SPRTN: variants seen among roughly 807,000 people sequenced by gnomAD.
SPRTN encodes the protein DNA-dependent metalloprotease SPRTN.
A neutral mutation model predicts 31.9 loss-of-function variants in SPRTN; 11 were observed. The observed-to-expected ratio is 0.34, with a 90% CI of 0.22 to 0.57. The LOEUF (loss-of-function observed/expected upper bound fraction) is 0.57, where lower values mean the gene tolerates loss of function less well. SPRTN is among the 20% of genes least tolerant of loss of function. The probability of loss-of-function intolerance (pLI) is 0.86; values close to 1 mark genes in which losing one functional copy is unlikely to be tolerated. For synonymous variants in SPRTN, 185 were observed against 212.1 expected (o/e 0.87, Z 1.11); for missense variants, 482 against 590.1 (o/e 0.82, Z 1.90).
chr1:231,338,783 C>T (rs1263062964), intron 1 of SPRTN, among the ~76,000 whole-genome samples, 179 bp downstream of exon 1: 2 of 152,198 alleles, frequency 1.3e-5, no homozygotes, highest in Admixed American at 1.3e-4. Context: ...TACCTTTTCT[C>T]CCACTCGAAC....
chr1:231,347,632 G>A (rs1473487832), intron 2 of SPRTN, 165 bp from the exon 3 acceptor site: 3 of 769,702 alleles, frequency 3.9e-6, no homozygotes, highest in Non-Finnish European at 5.7e-6. Flanking sequence ...CCAAAGTGTT[G>A]GGATTACAGG....
chr1:231,346,326 C>T (rs1461182587), intron 2 of SPRTN, among the ~76,000 whole-genome samples: 2 of 149,972 alleles, frequency 1.3e-5, no homozygotes, highest in Admixed American at 6.7e-5. Flanking sequence ...GTATACTGCT[C>T]GGACTACAGG....
In SPRTN at chr1:231,354,670, A is replaced by AT. The variant is rs1462136116; in HGVS notation, c.*1311dup. The AT allele has an allele frequency of 2.0e-5, 3 of 152,438 alleles. No homozygotes were observed. Among genetic ancestry groups the AT allele is most frequent in the African/African-American group, 7.2e-5 (3 of 41,438 alleles). The allele number at this position is 152,438 out of a possible 1,614,324, so 9.4% of individuals were successfully genotyped here. A position where few individuals can be genotyped will look rare whatever the true frequency, so the allele number is the denominator to read the frequency against. ...CTATGTATAGCAGGAGTTCATTTTCATTGCTCTTGCATTTGTATGAATATA... is the reference window on the plus strand; with the variant it reads ...CTATGTATAGCAGGAGTTCATTTTCATTTGCTCTTGCATTTGTATGAATATA... On this transcript the variant is annotated 3_prime_UTR_variant, in exon 5 of 5. Coordinates refer to ENST00000295050, the MANE Select transcript of SPRTN (RefSeq NM_032018.7).
intron 2 of SPRTN, among the ~76,000 whole-genome samples, chr1:231,340,917 A>T (rs1341535669): frequency 3.3e-5 from 5 of 152,206 alleles, no homozygotes; most frequent in Non-Finnish European, 5.9e-5. Context: ...AGGATAATAA[A>T]AGGCAATGGA....
chr1:231,347,718 A>G, intron 2 of SPRTN, 79 bp from the exon 3 acceptor site: 1 of 1,488,668 alleles, frequency 6.7e-7, no homozygotes, highest in Non-Finnish European at 9.0e-7. Context: ...AAGGTTAGAC[A>G]CCAGATAGAA....
In SPRTN at chr1:231,354,926, T is replaced by C; in HGVS notation, c.*1565T>C. The C allele has an allele frequency of 5.8e-6, 5 of 863,750 alleles. No individual in the cohort carries two copies. The highest frequency in any genetic ancestry group is 7.0e-6 in the Non-Finnish European group (5 of 719,162). The allele number at this position is 863,750 out of a possible 1,614,324, so 53.5% of individuals were successfully genotyped here. On this transcript the variant is annotated 3_prime_UTR_variant, in exon 5 of 5. Transcript: ENST00000295050. ...TTTAGTTGTTCACCATTCATAACAC[T>C]GTTAGCAGCCCTTTTCGTTTTAGAC... is the stretch of plus-strand genomic sequence containing the variant.
At chr1:231,338,756 C>T in intron 1 of SPRTN, 152 bp downstream of exon 1, 1 of 821,400 alleles carries the variant, frequency 1.2e-6, no homozygotes, top group South Asian at 1.7e-5. Flanking sequence ...CCTGCCTCGG[C>T]GTGTTTCTGT....
chr1:231,343,867 C>T (rs1686974478), intron 2 of SPRTN, among the ~76,000 whole-genome samples: 1 of 151,878 alleles, frequency 6.6e-6, no homozygotes, highest in African/African-American at 2.4e-5. Context: ...CTACTCTTGG[C>T]AGAAAGCATG....
rs1230751071 is a variant in SPRTN, at chr1:231,351,793, A to G, written c.718+222A>G. On this transcript the variant is annotated intron_variant, in intron 4 of 4. Coordinates refer to ENST00000295050, the MANE Select transcript of SPRTN (RefSeq NM_032018.7). ...GTAAGTAAAAGTAGGAATAGTTTCC[A>G]TGGATATTTTTATTTTTATTAACTT... is the stretch of plus-strand genomic sequence containing the variant. The G allele has an allele frequency of 4.3e-6, 5 of 1,170,842 alleles. No homozygotes were observed. In the African/African-American group the frequency reaches 6.3e-5, roughly 15 times the overall value. The allele number at this position is 1,170,842 out of a possible 1,614,324, so 72.5% of individuals were successfully genotyped here.
intron 2 of SPRTN, chr1:231,340,117 C>T (rs1686833026): frequency 3.3e-6 from 1 of 301,650 alleles, no homozygotes; most frequent in South Asian, 3.9e-5. Flanking sequence ...AATCCCGACA[C>T]TTTGGGAGGC....
At chr1:231,341,155 A>G (rs1401491927) in intron 2 of SPRTN, among the ~76,000 whole-genome samples, 1 of 151,810 alleles carries the variant, frequency 6.6e-6, no homozygotes, top group Non-Finnish European at 1.5e-5. Flanking sequence ...TAAACACTCC[A>G]TTAAATACAT....
intron 1 of SPRTN, 49 bp from the exon 2 acceptor site, chr1:231,339,720 T>C: frequency 1.3e-6 from 2 of 1,586,250 alleles, no homozygotes; most frequent in Non-Finnish European, 1.7e-6. Flanking sequence ...TGTAAGGACT[T>C]GGGCATATTT....
At chr1:231,352,463 C>T (rs1156537973) in intron 4 of SPRTN, 147 bp from the exon 5 acceptor site, 1 of 1,342,670 alleles carries the variant, frequency 7.4e-7, no homozygotes, top group African/African-American at 1.5e-5. Context: ...GATTGCCCTC[C>T]TCCCATTAAT....
rs1687340546 is a variant in SPRTN, at chr1:231,354,678, T to TG, written c.*1318dup. On this transcript the variant is annotated 3_prime_UTR_variant, in exon 5 of 5. Transcript: ENST00000295050. ...AGCAGGAGTTCATTTTCATTGCTCT[T>TG]GCATTTGTATGAATATACTAGAATT... The TG allele has an allele frequency of 6.6e-6, 1 of 152,494 alleles. No homozygotes were observed. Among genetic ancestry groups the TG allele is most frequent in the African/African-American group, 2.4e-5 (1 of 41,474 alleles). 9.4% of individuals were successfully genotyped at this position (152,494 alleles called of 1,614,324 possible).
intron 2 of SPRTN, among the ~76,000 whole-genome samples, chr1:231,346,819 G>A (rs1212472286): frequency 6.6e-6 from 1 of 152,038 alleles, no homozygotes; most frequent in Non-Finnish European, 1.5e-5. Flanking sequence ...GTGCACACCT[G>A]TAGTGCCAGC....
Position 231,354,966 on chromosome 1 carries a change from C to T in SPRTN, c.*1605C>T. The T allele has an allele frequency of 3.2e-6, 3 of 937,880 alleles. No homozygotes were observed. Among genetic ancestry groups the T allele is most frequent in the Non-Finnish European group, 3.8e-6 (3 of 786,724 alleles). The allele number at this position is 937,880 out of a possible 1,614,324, so 58.1% of individuals were successfully genotyped here. On this transcript the variant is annotated 3_prime_UTR_variant, in exon 5 of 5. Transcript: ENST00000295050. ...TCGTTTTAGACTGGTTGGCTGTTCA[C>T]AAATTTTGATATTCCTTAAAGCATT... is the stretch of plus-strand genomic sequence containing the variant.
intron 3 of SPRTN, among the ~76,000 whole-genome samples, chr1:231,349,934 C>T (rs1571999468): frequency 6.6e-6 from 1 of 152,164 alleles, no homozygotes; most frequent in African/African-American, 2.4e-5. Flanking sequence ...ATCACTTGAG[C>T]CTGGGAGGCG....
rs1687318370 is a variant in SPRTN at position 231,353,977 on chromosome 1, A to G, written c.*616A>G. The G allele has an allele frequency of 7.5e-6, 7 of 928,078 alleles. No homozygotes were observed. Among genetic ancestry groups the G allele is most frequent in the Non-Finnish European group, 7.7e-6 (6 of 777,808 alleles). 57.5% of individuals were successfully genotyped at this position (928,078 alleles called of 1,614,324 possible). ...GATTTTAAGTTAAAGAATATGGAAT[A>G]TAGTAAAATAAGTAAATTTCTTTTG... On this transcript the variant is annotated 3_prime_UTR_variant, in exon 5 of 5. Coordinates refer to ENST00000295050, the MANE Select transcript of SPRTN (RefSeq NM_032018.7).
Position 231,339,939 on chromosome 1 carries a change from G to A in SPRTN, c.321+71G>A, listed in dbSNP as rs981043823. On this transcript the variant is annotated intron_variant, in intron 2 of 4. Transcript: ENST00000295050. The stretch of plus-strand genomic sequence containing the variant: ...ACTTGTCAATGATTTAGACTGCTGT[G>A]AATTCGCCTGTATGTATCGTTAAAA... 7.7e-6 allele frequency: 11 copies of A among 1,422,370 alleles called. No individual in the cohort carries two copies. The Admixed American group carries it at 1.5e-4, about 20-fold the overall frequency. The allele number at this position is 1,422,370 out of a possible 1,614,324, so 88.1% of individuals were successfully genotyped here.
Sources: gnomAD v4.1 joint callset for allele counts (sites outside exome capture counted in the v4.1 genomes callset) on GRCh38, gnomAD v4.1.1 for gene constraint, MANE v1.5 for transcripts, NCBI Gene and HGNC (gene_info 2026-07-23, HGNC 2026-07-21) for gene names.